PHTF2: variants seen among roughly 807,000 people sequenced by gnomAD.
PHTF2 encodes the protein protein PHTF2.
Under a neutral mutation model 101.2 loss-of-function variants are expected in PHTF2, and 60 were observed. That is an observed-to-expected ratio of 0.59 (90% CI 0.48 to 0.73). The LOEUF (loss-of-function observed/expected upper bound fraction) is 0.73, where lower values mean the gene tolerates loss of function less well. PHTF2 is among the 30% of genes least tolerant of loss of function. PHTF2 has a pLI of 0.00. For synonymous variants in PHTF2, 311 were observed against 307.3 expected, an observed-to-expected ratio of 1.01 and a Z score of -0.13; for missense variants, 747 against 908.7, an observed-to-expected ratio of 0.82 and a Z score of 2.29.
In PHTF2 at chr7:77,942,684, C is replaced by T. The variant is rs754511725; in HGVS notation, c.1873-16C>T. Reference sequence around the variant, plus strand: ...TTAAAATGTTTCCTTTTCTCCCTTCCACCCACACCCTGCAGCGTCGAGGTC... The same window carrying T: ...TTAAAATGTTTCCTTTTCTCCCTTCTACCCACACCCTGCAGCGTCGAGGTC... On this transcript the variant is annotated splice_polypyrimidine_tract_variant and intron_variant, in intron 15 of 19. Transcript: ENST00000416283. 8.1e-6 allele frequency: 12 copies of T among 1,485,854 alleles called. No homozygotes were observed. The highest frequency in any genetic ancestry group is 2.8e-5 in the African/African-American group (2 of 71,632). 92.0% of individuals were successfully genotyped at this position (1,485,854 alleles called of 1,614,324 possible). A position where few individuals can be genotyped will look rare whatever the true frequency, so the allele number is the denominator to read the frequency against.
chr7:77,893,850 A>T lies in PHTF2; in HGVS notation c.205-132A>T. 2 of 740,148 alleles carry T rather than the reference A, an allele frequency of 2.7e-6. No homozygotes were observed. Among genetic ancestry groups the T allele is most frequent in the Admixed American group, 2.7e-5 (1 of 37,350 alleles). The allele number at this position is 740,148 out of a possible 1,614,324, so 45.8% of individuals were successfully genotyped here. ...CTCCTGATGTTGGTTTTTTCTTTTT[A>T]TCATCTTTCTGTTCTTTTAAAATTG... On this transcript the variant is annotated intron_variant, in intron 4 of 19. Coordinates refer to ENST00000416283, the Ensembl canonical transcript of PHTF2.
chr7:77,873,791 G>A (rs936329428), intron 3 of PHTF2, among the ~76,000 whole-genome samples: 4 of 152,138 alleles, frequency 2.6e-5, no homozygotes, highest in Admixed American at 6.5e-5. Flanking sequence ...TTTCAGGGTC[G>A]CATTCTTTTC....
chr7:77,834,472 C>A (rs1490287114), intron 1 of PHTF2, among the ~76,000 whole-genome samples: 1 of 152,122 alleles, frequency 6.6e-6, no homozygotes, highest in Non-Finnish European at 1.5e-5. Context: ...AGTGAGGCAG[C>A]TAGTCAGGAA....
At chr7:77,840,100 A>G (rs1795753863) in intron 1 of PHTF2, 121 bp from the exon 2 acceptor site, 4 of 489,064 alleles carry the variant, frequency 8.2e-6, no homozygotes, top group South Asian at 4.8e-5. Flanking sequence ...AGAGTGTAAT[A>G]TAAGTCTCGT....
intron 7 of PHTF2, chr7:77,906,472 A>C (rs916906650): frequency 1.3e-5 from 2 of 152,154 alleles, no homozygotes; most frequent in African/African-American, 4.8e-5. Context: ...TCCTTTTTCT[A>C]ATGCCTTGTC....
At chr7:77,819,778 C>T (rs1171093662) in intron 1 of PHTF2, among the ~76,000 whole-genome samples, 1 of 152,144 alleles carries the variant, frequency 6.6e-6, no homozygotes, top group African/African-American at 2.4e-5. Context: ...CAGTCTGCTT[C>T]AATTTTTTGG....
At chr7:77,899,488 A>C (rs1304854110) in intron 5 of PHTF2, among the ~76,000 whole-genome samples, 1 of 152,214 alleles carries the variant, frequency 6.6e-6, no homozygotes, top group East Asian at 1.9e-4. Context: ...AGGATCGACT[A>C]TATATAAAAT....
At chr7:77,810,865 A>AT (rs1336024697) in intron 1 of PHTF2, among the ~76,000 whole-genome samples, 3 of 151,478 alleles carry the variant, frequency 2.0e-5, no homozygotes, top group Middle Eastern at 3.2e-3. Flanking sequence ...AGATTGGTTG[A>AT]TTTTTTCCTC....
At chr7:77,950,953 G>T (rs1252101433) in intron 17 of PHTF2, among the ~76,000 whole-genome samples, 1 of 152,212 alleles carries the variant, frequency 6.6e-6, no homozygotes, top group Non-Finnish European at 1.5e-5. Context: ...GTACATTCCA[G>T]CCTAATCAGC....
chr7:77,817,885 G>A (rs1793974471), intron 1 of PHTF2, among the ~76,000 whole-genome samples: 1 of 152,020 alleles, frequency 6.6e-6, no homozygotes, highest in Non-Finnish European at 1.5e-5. Flanking sequence ...CAAGGTGGGT[G>A]GATCACGAAG....
intron 15 of PHTF2, among the ~76,000 whole-genome samples, chr7:77,941,337 C>T (rs893444727): frequency 6.6e-6 from 1 of 152,140 alleles, no homozygotes; most frequent in South Asian, 2.1e-4. Flanking sequence ...ATTTAGCTTA[C>T]TTAGTGTCAC....
chr7:77,910,670 C>G (rs934094331), intron 9 of PHTF2, among the ~76,000 whole-genome samples: 1 of 151,802 alleles, frequency 6.6e-6, no homozygotes, highest in East Asian at 1.9e-4. Context: ...GGGACAGAGT[C>G]TGGCTCTGTT....
intron 1 of PHTF2, among the ~76,000 whole-genome samples, chr7:77,810,350 G>T (rs920841613): frequency 2.6e-5 from 4 of 151,996 alleles, no homozygotes; most frequent in African/African-American, 9.7e-5. Context: ...TAATCTACAG[G>T]TACTCACATT....
chr7:77,839,851 T>C (rs1795735583), intron 1 of PHTF2, among the ~76,000 whole-genome samples: 2 of 152,184 alleles, frequency 1.3e-5, no homozygotes, highest in Admixed American at 6.5e-5. Context: ...CTGACACTGG[T>C]TTTTAGAAAC....
At chr7:77,875,322 T>TA (rs869155433) in intron 3 of PHTF2, among the ~76,000 whole-genome samples, 2 of 151,890 alleles carry the variant, frequency 1.3e-5, no homozygotes, top group South Asian at 2.1e-4. Context: ...CTAGGTTTTT[T>TA]AAAAAAATAG....
At chr7:77,897,961 C>T (rs889362744) in intron 5 of PHTF2, among the ~76,000 whole-genome samples, 2 of 149,328 alleles carry the variant, frequency 1.3e-5, no homozygotes, top group South Asian at 2.1e-4. Context: ...AGATTACAGG[C>T]GTGAACCACC....
chr7:77,904,509 TCACC>T (rs1180943633), intron 7 of PHTF2, among the ~76,000 whole-genome samples: 8 of 152,232 alleles, frequency 5.3e-5, no homozygotes, highest in Admixed American at 1.3e-4. Context: ...ATTTATTTTT[TCACC>T]ATTCTGAGGG....
Position 77,879,473 on chromosome 7 carries a change from C to T in PHTF2, c.148-14135C>T, listed in dbSNP as rs530034759. On this transcript the variant is annotated intron_variant, in intron 3 of 19. Transcript: ENST00000416283. ...CCAGCTCTACCACAAAGCTGTTTGC[C>T]GGGCTCCCTTTCTTCCATTCCCTCC... Among the ~76,000 whole-genome samples the T allele has an allele frequency of 5.9e-5, 9 of 152,156 alleles. No individual in the cohort carries two copies. The East Asian group carries it at 7.8e-4, about 13-fold the overall frequency.
chr7:77,820,412 C>T (rs116254281), intron 1 of PHTF2, among the ~76,000 whole-genome samples: 249 of 152,208 alleles, frequency 1.6e-3, no homozygotes, highest in African/African-American at 5.8e-3. Flanking sequence ...AGTGCACAGG[C>T]GTGATCATAG....
Sources: allele counts gnomAD v4.1 joint callset (sites outside exome capture counted in the v4.1 genomes callset), GRCh38; gene constraint gnomAD v4.1.1; transcripts MANE v1.5; gene names NCBI Gene and HGNC (gene_info 2026-07-23, HGNC 2026-07-21).